MYT1L: variants seen among roughly 807,000 people sequenced by gnomAD.
MYT1L encodes myelin transcription factor 1 like.
A neutral mutation model predicts 126.7 loss-of-function variants in MYT1L; 12 were observed. The ratio of observed to expected loss-of-function variants is 0.09; its 90% CI spans 0.06 to 0.15. The LOEUF (loss-of-function observed/expected upper bound fraction) is 0.15. Among genes scored for constraint, MYT1L ranks in the 10% least tolerant of loss-of-function variants. The probability of loss-of-function intolerance (pLI) is 1.00; values close to 1 mark genes in which losing one functional copy is unlikely to be tolerated. For synonymous variants in MYT1L, 541 were observed against 604.2 expected (o/e 0.90, Z 1.53); for missense variants, 979 against 1,585.2 (o/e 0.62, Z 6.49).
intron 2 of MYT1L, among the ~76,000 whole-genome samples, chr2:2,261,582 G>A (rs185240783): frequency 6.6e-6 from 1 of 152,252 alleles, no homozygotes; most frequent in African/African-American, 2.4e-5. Flanking sequence ...TTCAGATTTG[G>A]CTAATGAGGC....
chr2:1,838,415 A>C (rs750769781), intron 21 of MYT1L, among the ~76,000 whole-genome samples: 14 of 152,174 alleles, frequency 9.2e-5, no homozygotes, highest in Non-Finnish European at 1.5e-4. Flanking sequence ...ATTTTCGTAG[A>C]AAGTGGCATA....
At chr2:2,307,285 G>A (rs2095871312) in intron 1 of MYT1L, among the ~76,000 whole-genome samples, 2 of 152,164 alleles carry the variant, frequency 1.3e-5, no homozygotes, top group South Asian at 4.1e-4. Context: ...GCTGTACTTT[G>A]CAATAATTGA....
intron 21 of MYT1L, among the ~76,000 whole-genome samples, chr2:1,836,830 C>T (rs1000379806): frequency 2.0e-5 from 3 of 152,168 alleles, no homozygotes; most frequent in African/African-American, 7.2e-5. Context: ...CAGCCTGTGC[C>T]CCCAAGTTTC....
intron 3 of MYT1L, among the ~76,000 whole-genome samples, chr2:2,109,485 C>A (rs1425000669): frequency 3.3e-5 from 5 of 152,082 alleles, no homozygotes; most frequent in Non-Finnish European, 4.4e-5. Flanking sequence ...ACCTGCCGGG[C>A]CTCAGAATCT....
chr2:1,849,092 T>C (rs891670128), intron 19 of MYT1L, among the ~76,000 whole-genome samples: 4 of 151,714 alleles, frequency 2.6e-5, no homozygotes, highest in African/African-American at 9.7e-5. Flanking sequence ...CTAAGATATA[T>C]GTAAAATGAA....
At chr2:1,956,615 TCTATCTACCTAC>T (rs1328328530) in intron 8 of MYT1L, among the ~76,000 whole-genome samples, 20 of 134,976 alleles carry the variant, frequency 1.5e-4, no homozygotes, top group Admixed American at 6.6e-4. Context: ...TATCTATCTA[TCTATCTACCTAC>T]CTACCTATCT....
intron 3 of MYT1L, among the ~76,000 whole-genome samples, chr2:2,159,282 G>T (rs1397345924): frequency 2.0e-5 from 3 of 152,158 alleles, no homozygotes; most frequent in Middle Eastern, 3.2e-3. Flanking sequence ...ACTTGGAAAT[G>T]GGGTCAAGGG....
In MYT1L at chr2:2,173,459, G is replaced by A. The variant is rs1298859034; in HGVS notation, c.-420-471C>T. 2.0e-5 allele frequency among the ~76,000 whole-genome samples: 3 copies of A among 152,174 alleles called. No individual in the cohort carries two copies. In the East Asian group the frequency reaches 5.8e-4, roughly 29 times the overall value. ...ATGACAAGGCCACTTCCAAATGTCA[G>A]CTCAACTTTATCTTACTATCACAAC... is the stretch of plus-strand genomic sequence containing the variant. On this transcript the variant is annotated intron_variant, in intron 2 of 24. Coordinates refer to ENST00000647738, the MANE Select transcript of MYT1L (RefSeq NM_001303052.2).
intron 2 of MYT1L, among the ~76,000 whole-genome samples, chr2:2,246,695 G>A (rs933202697): frequency 3.3e-5 from 5 of 152,218 alleles, no homozygotes; most frequent in African/African-American, 9.6e-5. Flanking sequence ...AAGAAGGCAT[G>A]TGATTCTGTG....
At chr2:2,022,445 T>G (rs1413207176) in intron 4 of MYT1L, among the ~76,000 whole-genome samples, 1 of 152,082 alleles carries the variant, frequency 6.6e-6, no homozygotes, top group Admixed American at 6.6e-5. Flanking sequence ...TTTTAGGTAT[T>G]TTTTTTAAAC....
rs1188633835 is a variant in MYT1L, at chr2:1,912,801, T to C, written c.1619-691A>G. 1.3e-5 allele frequency among the ~76,000 whole-genome samples: 2 copies of C among 152,214 alleles called. No homozygotes were observed. On this transcript the variant is annotated intron_variant, in intron 11 of 24. Coordinates refer to ENST00000647738, the MANE Select transcript of MYT1L (RefSeq NM_001303052.2). The surrounding 1 kb of genome is among the most constrained non-coding windows in gnomAD (Gnocchi z 4.3). Reference sequence around the variant, plus strand: ...ACCTTTTGTGGTGCAAGGATGCTACTGGCTGGTCGGCAGGGGAGAGCTGCT... The same window carrying C: ...ACCTTTTGTGGTGCAAGGATGCTACCGGCTGGTCGGCAGGGGAGAGCTGCT...
chr2:2,286,437 A>C (rs1428451045), intron 1 of MYT1L, among the ~76,000 whole-genome samples: 1 of 152,238 alleles, frequency 6.6e-6, no homozygotes, highest in East Asian at 1.9e-4. Context: ...ATTTAAAATC[A>C]AATGAAATAT....
At position 2,182,995 on chromosome 2, in the gene MYT1L, C is replaced by T. The variant is rs141893957; in HGVS notation, c.-420-10007G>A. 7.2e-4 allele frequency among the ~76,000 whole-genome samples: 109 copies of T among 152,256 alleles called. 1 individual carries two copies. The East Asian group carries it at 0.015, about 21-fold the overall frequency. ...ACGCAGAGGTGAGCGGACTCTGCCA[C>T]AGAGGTGGGGAGGTTTTCCGAGGAG... On this transcript the variant is annotated intron_variant, in intron 2 of 24. Coordinates refer to ENST00000647738, the MANE Select transcript of MYT1L (RefSeq NM_001303052.2).
chr2:2,087,585 A>G (rs564625414), intron 3 of MYT1L, among the ~76,000 whole-genome samples: 7 of 152,326 alleles, frequency 4.6e-5, no homozygotes, highest in Admixed American at 3.3e-4. Flanking sequence ...TGGCTTTTCA[A>G]AAGTATTTTA....
chr2:2,235,298 G>C (rs61448345), intron 2 of MYT1L, among the ~76,000 whole-genome samples: 1 of 150,978 alleles, frequency 6.6e-6, no homozygotes. Flanking sequence ...CCCTTAGAGG[G>C]GTGTGTGTAG....
At chr2:2,225,725 G>A (rs938498807) in intron 2 of MYT1L, among the ~76,000 whole-genome samples, 1 of 152,084 alleles carries the variant, frequency 6.6e-6, no homozygotes, top group African/African-American at 2.4e-5. Context: ...TGGTACAACT[G>A]CTTAATTAGA....
intron 3 of MYT1L, among the ~76,000 whole-genome samples, chr2:2,115,186 C>T (rs1007856016): frequency 6.6e-6 from 1 of 152,214 alleles, no homozygotes; most frequent in Non-Finnish European, 1.5e-5. Context: ...TAGTTTCCTC[C>T]CTTGCATTGA....
intron 14 of MYT1L, among the ~76,000 whole-genome samples, chr2:1,893,494 C>A (rs72765595): frequency 0.032 from 4,852 of 152,222 alleles, 117 homozygotes; most frequent in Middle Eastern, 0.061. Context: ...TAGAGACACT[C>A]TAGCCCGGGT....
intron 3 of MYT1L, among the ~76,000 whole-genome samples, chr2:2,116,579 C>G (rs1197746366): frequency 6.6e-6 from 1 of 152,260 alleles, no homozygotes; most frequent in Non-Finnish European, 1.5e-5. Flanking sequence ...TTCTGCCATG[C>G]CTTCTCCAGA....
Sources: allele counts gnomAD v4.1 joint callset (sites outside exome capture counted in the v4.1 genomes callset), GRCh38; gene constraint gnomAD v4.1.1; non-coding constraint Gnocchi (gnomAD v3.1); transcripts MANE v1.5; gene names NCBI Gene and HGNC (gene_info 2026-07-23, HGNC 2026-07-21).